The following COL10A1 variants were observed in gnomAD, a reference collection of about 807,000 sequenced individuals.
COL10A1 encodes collagen alpha-1(X) chain.
A neutral mutation model predicts 18.2 loss-of-function variants in COL10A1; 10 were observed. The ratio of observed to expected loss-of-function variants is 0.55; its 90% CI spans 0.34 to 0.93. The LOEUF (loss-of-function observed/expected upper bound fraction) is 0.93. Among genes scored for constraint, COL10A1 ranks in the 40% least tolerant of loss-of-function variants. The probability of loss-of-function intolerance (pLI) is 0.02; values close to 1 mark genes in which losing one functional copy is unlikely to be tolerated. For missense variants in COL10A1, 897 were observed against 853.5 expected (o/e 1.05, Z -0.64); for synonymous variants, 330 against 316.6 (o/e 1.04, Z -0.45).
At chr6:116,162,819 C>T (rs976344901), upstream of COL10A1, among the ~76,000 whole-genome samples, 12 of 152,114 alleles carry the variant, frequency 7.9e-5, no homozygotes, top group African/African-American at 2.9e-4. Context: ...TCCTCCTCCT[C>T]AATTTAAAAA....
chr6:116,196,588 A>G, the COL10A1 span, among the ~76,000 whole-genome samples: 307 of 152,208 alleles, frequency 2.0e-3, 1 homozygote, highest in Middle Eastern at 0.014. Flanking sequence ...CAAATTATAT[A>G]TAGTATATAG....
chr6:116,180,614 A>G, the COL10A1 span, among the ~76,000 whole-genome samples: 8 of 152,224 alleles, frequency 5.3e-5, no homozygotes, highest in South Asian at 1.2e-3. Flanking sequence ...TACATTCTCT[A>G]TAAAACTGTC....
chr6:116,186,450 C>T, the COL10A1 span, among the ~76,000 whole-genome samples: 44 of 152,052 alleles, frequency 2.9e-4, no homozygotes, highest in African/African-American at 1.0e-3. Context: ...AAGTTGTCCT[C>T]GATTATTCCC....
the COL10A1 span, among the ~76,000 whole-genome samples, chr6:116,186,146 A>G: frequency 6.6e-6 from 1 of 152,214 alleles, no homozygotes; most frequent in East Asian, 1.9e-4. Context: ...TTCACTGGAT[A>G]CAAAATTCTT....
the COL10A1 span, among the ~76,000 whole-genome samples, chr6:116,210,092 G>A: frequency 6.6e-6 from 1 of 151,872 alleles, no homozygotes; most frequent in South Asian, 2.1e-4. Flanking sequence ...TGATTTCTAA[G>A]GCTCCTTTTA....
intron 1 of COL10A1, among the ~76,000 whole-genome samples, chr6:116,154,347 T>C (rs904059247): frequency 3.3e-5 from 5 of 152,158 alleles, no homozygotes; most frequent in Admixed American, 1.3e-4. Flanking sequence ...TGTTCCTGTA[T>C]CCTAACACCG....
intron 1 of COL10A1, among the ~76,000 whole-genome samples, chr6:116,140,834 G>A (rs1779746680): frequency 6.6e-6 from 1 of 152,032 alleles, no homozygotes; most frequent in East Asian, 1.9e-4. Flanking sequence ...ATTTTTCACT[G>A]CTCTGTAGTT....
At chr6:116,156,383 A>G (rs1208042473) in intron 1 of COL10A1, among the ~76,000 whole-genome samples, 2 of 152,180 alleles carry the variant, frequency 1.3e-5, no homozygotes, top group East Asian at 1.9e-4. Context: ...CTGGTTTAAT[A>G]CTATGTAGGC....
chr6:116,147,992 A>G (rs954439261), intron 1 of COL10A1, among the ~76,000 whole-genome samples: 1 of 151,888 alleles, frequency 6.6e-6, no homozygotes, highest in African/African-American at 2.4e-5. Context: ...CTCAAAAAAA[A>G]AAAAGGTGGG....
At chr6:116,160,018 G>C (rs1263224310), upstream of COL10A1, among the ~76,000 whole-genome samples, 1 of 151,998 alleles carries the variant, frequency 6.6e-6, no homozygotes, top group Non-Finnish European at 1.5e-5. Flanking sequence ...GTCAACTTTT[G>C]ATGGACACTT....
chr6:116,204,884 G>A, the COL10A1 span, among the ~76,000 whole-genome samples: 1 of 151,984 alleles, frequency 6.6e-6, no homozygotes. Flanking sequence ...ATTTAAGTAC[G>A]TGGCTAGATT....
chr6:116,169,508 G>A, the COL10A1 span, among the ~76,000 whole-genome samples: 1 of 152,188 alleles, frequency 6.6e-6, no homozygotes, highest in Non-Finnish European at 1.5e-5. Flanking sequence ...AGACTATATG[G>A]TAGGAAAATA....
intron 1 of COL10A1, among the ~76,000 whole-genome samples, chr6:116,158,294 T>A (rs1780250691): frequency 6.6e-6 from 1 of 152,114 alleles, no homozygotes; most frequent in Non-Finnish European, 1.5e-5. Context: ...ATAGCTTTCT[T>A]GTTAGTCCTG....
the COL10A1 span, among the ~76,000 whole-genome samples, chr6:116,202,545 T>C: frequency 6.6e-6 from 1 of 152,004 alleles, no homozygotes; most frequent in Non-Finnish European, 1.5e-5. Flanking sequence ...AAACAAAGGC[T>C]ATTTTCTTTT....
intron 1 of COL10A1, among the ~76,000 whole-genome samples, chr6:116,150,158 A>G (rs1413795855): frequency 6.6e-6 from 1 of 152,224 alleles, no homozygotes; most frequent in Non-Finnish European, 1.5e-5. Context: ...AGGAATTTTT[A>G]CAGAAGAGTG....
intron 2 of COL10A1, 22 bp downstream of exon 2, chr6:116,125,317 C>A (rs764481154): frequency 6.2e-7 from 1 of 1,611,018 alleles, no homozygotes; most frequent in Non-Finnish European, 8.5e-7. Context: ...GTTAATAGAA[C>A]AAAATATACA....
the COL10A1 span, among the ~76,000 whole-genome samples, chr6:116,174,113 A>G: frequency 6.6e-6 from 1 of 152,172 alleles, no homozygotes; most frequent in Non-Finnish European, 1.5e-5. Context: ...ATCACATCAT[A>G]TGAGGGGTAC....
At position 116,120,091 on chromosome 6, in the gene COL10A1, G is replaced by C. The variant is rs745957575; in HGVS notation, c.2025C>G (p.Phe675Leu). The C allele has an allele frequency of 1.2e-6, 2 of 1,613,938 alleles. No individual in the cohort carries two copies. The highest frequency in any genetic ancestry group is 1.7e-6 in the Non-Finnish European group (2 of 1,179,968). ...SEYVHSSFSG[F>L]LVAPM is the part of the protein sequence containing the mutation. ...TGTGTACTCACATTGGAGCCACTAG[G>C]AATCCTGAGAAAGAGGAGTGGACAT... The change falls in exon 3 of 3, where the codon TTC becomes TTG. Residue 675 changes from phenylalanine to leucine, a missense_variant. By Grantham distance (22) the Phe-to-Leu change is conservative. Transcript: ENST00000651968.
At chr6:116,140,009 C>T (rs1024084928) in intron 1 of COL10A1, among the ~76,000 whole-genome samples, 4 of 152,108 alleles carry the variant, frequency 2.6e-5, no homozygotes, top group East Asian at 1.9e-4. Context: ...AAGAGACTTA[C>T]GTGATAGATA....
Sources: allele counts gnomAD v4.1 joint callset (sites outside exome capture counted in the v4.1 genomes callset), GRCh38; gene constraint gnomAD v4.1.1; transcripts MANE v1.5; gene names NCBI Gene and HGNC (gene_info 2026-07-23, HGNC 2026-07-21).